Variants in PRKCA observed in about 807,000 individuals in gnomAD.
The protein encoded by PRKCA is protein kinase C alpha.
Under a neutral mutation model 87.0 loss-of-function variants are expected in PRKCA, and 27 were observed. That is an observed-to-expected ratio of 0.31 (90% CI 0.23 to 0.43). The LOEUF is 0.43. Among genes scored for constraint, PRKCA ranks in the 20% least tolerant of loss-of-function variants. The pLI is 1.00. For synonymous variants in PRKCA, 329 were observed against 311.1 expected, an observed-to-expected ratio of 1.06 and a Z score of -0.61; for missense variants, 518 against 852.3, an observed-to-expected ratio of 0.61 and a Z score of 4.88.
intron 2 of PRKCA, among the ~76,000 whole-genome samples, chr17:66,345,041 A>C: frequency 6.6e-6 from 1 of 152,154 alleles, no homozygotes; most frequent in Non-Finnish European, 1.5e-5. Flanking sequence ...TATGCTCAGA[A>C]TCAAGGATTA....
intron 2 of PRKCA, among the ~76,000 whole-genome samples, chr17:66,461,223 A>G (rs1914841842): frequency 6.7e-6 from 1 of 150,130 alleles, no homozygotes; most frequent in Non-Finnish European, 1.5e-5. Context: ...AAAAAAAAAA[A>G]GAAAAGAAAA....
intron 3 of PRKCA, among the ~76,000 whole-genome samples, chr17:66,558,109 C>T (rs1968558922): frequency 2.6e-5 from 4 of 152,208 alleles, no homozygotes; most frequent in Admixed American, 1.3e-4. Flanking sequence ...CAGGAATGCT[C>T]GTGAAATGTG....
chr17:66,732,068 C>T (rs1307027168), intron 8 of PRKCA, among the ~76,000 whole-genome samples: 1 of 147,274 alleles, frequency 6.8e-6, no homozygotes, highest in East Asian at 2.0e-4. Flanking sequence ...GGGATCTCTT[C>T]TTATGCACAT....
At chr17:66,413,060 G>A (rs185592734) in intron 2 of PRKCA, among the ~76,000 whole-genome samples, 1 of 152,234 alleles carries the variant, frequency 6.6e-6, no homozygotes, top group East Asian at 1.9e-4. Context: ...TGCCCACCTG[G>A]CAGTAGTGTC....
At chr17:66,686,412 T>C (rs1435531320) in intron 5 of PRKCA, among the ~76,000 whole-genome samples, 1 of 152,106 alleles carries the variant, frequency 6.6e-6, no homozygotes, top group African/African-American at 2.4e-5. Context: ...CCAGGTGATA[T>C]AGATGCTGCC....
chr17:66,632,067 C>T (rs1971029925), intron 3 of PRKCA, among the ~76,000 whole-genome samples: 1 of 152,070 alleles, frequency 6.6e-6, no homozygotes, highest in Non-Finnish European at 1.5e-5. Flanking sequence ...CCAACAAAGC[C>T]CCTGTGTAGT....
chr17:66,555,158 G>A (rs962481373), intron 3 of PRKCA, among the ~76,000 whole-genome samples: 4 of 152,322 alleles, frequency 2.6e-5, no homozygotes, highest in Admixed American at 6.5e-5. Context: ...GATTACAGGC[G>A]TGAGCCACCA....
At chr17:66,435,412 C>T (rs1346291471) in intron 2 of PRKCA, among the ~76,000 whole-genome samples, 1 of 152,222 alleles carries the variant, frequency 6.6e-6, no homozygotes, top group African/African-American at 2.4e-5. Context: ...GTGCAGCCGG[C>T]GTTTTGTCGT....
Position 66,562,147 on chromosome 17 carries a change from AATTAAATTATATATAT to A in PRKCA, c.288+65866_288+65881del, listed in dbSNP as rs1182043581. On this transcript the variant is annotated intron_variant, in intron 3 of 16. Transcript: ENST00000413366. ...ATATATATAATTAAATTATATATAT[AATTAAATTATATATAT>A]AATTAAATATATATAATTAAGTTAT... Among the ~76,000 whole-genome samples, 661 of 87,502 alleles carry A rather than the reference AATTAAATTATATATAT, an allele frequency of 7.6e-3. 55 individuals carry two copies. Among genetic ancestry groups the A allele is most frequent in the African/African-American group, 0.022 (463 of 21,242 alleles). The allele number at this position is 87,502 out of a possible 152,430, so 57.4% of individuals were successfully genotyped here.
chr17:66,689,126 A>G lies in PRKCA; in HGVS notation c.918+79A>G. On this transcript the variant is annotated intron_variant, in intron 8 of 16. Coordinates refer to ENST00000413366, the MANE Select transcript of PRKCA (RefSeq NM_002737.3). The surrounding 1 kb of genome is among the most constrained non-coding windows in gnomAD (Gnocchi z 4.1). The stretch of plus-strand genomic sequence containing the variant: ...GGAACGGCCGAGATGTTGTGGTCAC[A>G]TTTTTGAAAAGCAAAAAAAAAGTAA... 2.3e-6 allele frequency: 2 copies of G among 887,100 alleles called. No homozygotes were observed. The highest frequency in any genetic ancestry group is 3.4e-6 in the Non-Finnish European group (2 of 588,278). The allele number at this position is 887,100 out of a possible 1,614,324, so 55.0% of individuals were successfully genotyped here.
At chr17:66,607,335 C>T (rs1211609938) in intron 3 of PRKCA, among the ~76,000 whole-genome samples, 1 of 152,148 alleles carries the variant, frequency 6.6e-6, no homozygotes, top group Non-Finnish European at 1.5e-5. Context: ...ATCGGACATA[C>T]AGTGAGTTAA....
intron 2 of PRKCA, among the ~76,000 whole-genome samples, chr17:66,338,828 A>G (rs181361145): frequency 6.6e-6 from 1 of 152,200 alleles, no homozygotes; most frequent in African/African-American, 2.4e-5. Context: ...ACACTGACCA[A>G]ATCTGTTTAT....
At chr17:66,428,505 T>C (rs916522463) in intron 2 of PRKCA, among the ~76,000 whole-genome samples, 6 of 151,426 alleles carry the variant, frequency 4.0e-5, no homozygotes, top group Non-Finnish European at 7.4e-5. Flanking sequence ...AATTTTTCTT[T>C]CTTTTTTTTT....
chr17:66,717,669 G>A (rs973991876), intron 8 of PRKCA, among the ~76,000 whole-genome samples: 1 of 152,218 alleles, frequency 6.6e-6, no homozygotes, highest in Non-Finnish European at 1.5e-5. Context: ...GGCCTCTGTA[G>A]AGAACAGAGC....
At chr17:66,725,810 G>GAA (rs34462337) in intron 8 of PRKCA, among the ~76,000 whole-genome samples, 40 of 142,820 alleles carry the variant, frequency 2.8e-4, no homozygotes, top group Non-Finnish European at 2.9e-4. Context: ...ACCCTGTCTA[G>GAA]AAAAAAAAAA....
chr17:66,366,548 A>G (rs558826616), intron 2 of PRKCA, among the ~76,000 whole-genome samples: 25 of 152,300 alleles, frequency 1.6e-4, no homozygotes, highest in African/African-American at 5.3e-4. Context: ...AGCTGAATTG[A>G]GGAGATGAAT....
chr17:66,436,994 G>C (rs1913429634), intron 2 of PRKCA, among the ~76,000 whole-genome samples: 2 of 152,164 alleles, frequency 1.3e-5, no homozygotes, highest in African/African-American at 4.8e-5. Context: ...GAGTTTATGG[G>C]ATATGGGAAC....
intron 2 of PRKCA, among the ~76,000 whole-genome samples, chr17:66,430,932 A>G (rs1217512214): frequency 6.6e-6 from 1 of 152,186 alleles, no homozygotes; most frequent in East Asian, 1.9e-4. Flanking sequence ...CCACTTACTG[A>G]CTGGCAGAGG....
chr17:66,484,679 C>G (rs116288184), intron 2 of PRKCA, among the ~76,000 whole-genome samples: 2 of 152,114 alleles, frequency 1.3e-5, no homozygotes, highest in Non-Finnish European at 2.9e-5. Flanking sequence ...TTTCATATAT[C>G]TGGAAAAGCA....
Sources: gnomAD v4.1 joint callset for allele counts (sites outside exome capture counted in the v4.1 genomes callset) on GRCh38, gnomAD v4.1.1 for gene constraint, Gnocchi (gnomAD v3.1) non-coding constraint, MANE v1.5 for transcripts, NCBI Gene and HGNC (gene_info 2026-07-23, HGNC 2026-07-21) for gene names.